The following SPON1 variants were observed in gnomAD, a reference collection of about 807,000 sequenced individuals.
SPON1 encodes spondin 1.
In SPON1, 52 loss-of-function variants were observed where a neutral mutation model predicts 111.7. The observed-to-expected ratio is 0.47, with a 90% CI of 0.37 to 0.59. The LOEUF (loss-of-function observed/expected upper bound fraction) is 0.59, where lower values mean the gene tolerates loss of function less well. Ranked by LOEUF, SPON1 falls within the 20% of genes least tolerant of loss-of-function variation. The pLI, the probability that SPON1 is intolerant of heterozygous loss-of-function variation, is 0.00. For synonymous variants in SPON1, 410 were observed against 395.8 expected, an observed-to-expected ratio of 1.04 and a Z score of -0.43; for missense variants, 957 against 1,068.5, an observed-to-expected ratio of 0.90 and a Z score of 1.46.
chr11:14,107,216 G>A (rs900055230), intron 5 of SPON1, among the ~76,000 whole-genome samples: 2 of 152,180 alleles, frequency 1.3e-5, no homozygotes, highest in Admixed American at 1.3e-4. Context: ...GTTTACAGAT[G>A]TGAGTGGCTT....
chr11:14,255,199 A>T (rs1392569933), intron 8 of SPON1, among the ~76,000 whole-genome samples: 1 of 152,260 alleles, frequency 6.6e-6, no homozygotes, highest in African/African-American at 2.4e-5. Context: ...AAAGCCAGTT[A>T]CACTCCTCCA....
intron 6 of SPON1, among the ~76,000 whole-genome samples, chr11:14,151,719 C>G (rs1172719200): frequency 2.0e-5 from 3 of 152,174 alleles, no homozygotes; most frequent in Non-Finnish European, 4.4e-5. Context: ...AATCACAGTT[C>G]TAATTGTTCT....
At chr11:14,057,841 AAACAAAAC>A (rs1848757761) in intron 3 of SPON1, among the ~76,000 whole-genome samples, 1 of 149,256 alleles carries the variant, frequency 6.7e-6, no homozygotes, top group African/African-American at 2.5e-5. Flanking sequence ...CAAAAAAAAA[AAACAAAAC>A]AAAAACTTAA....
intron 6 of SPON1, among the ~76,000 whole-genome samples, chr11:14,173,654 C>T (rs1035088043): frequency 3.9e-5 from 6 of 152,100 alleles, no homozygotes; most frequent in Non-Finnish European, 8.8e-5. Flanking sequence ...ATGATGGTGA[C>T]GTACAGATGG....
chr11:14,075,931 C>G (rs1848914224), intron 4 of SPON1, among the ~76,000 whole-genome samples: 1 of 152,126 alleles, frequency 6.6e-6, no homozygotes, highest in Non-Finnish European at 1.5e-5. Context: ...AACTTATCAA[C>G]CTTCTCTCCT....
chr11:14,031,302 C>A (rs1488010111), intron 2 of SPON1, among the ~76,000 whole-genome samples: 1 of 152,178 alleles, frequency 6.6e-6, no homozygotes, highest in Non-Finnish European at 1.5e-5. Context: ...TGTACATGTA[C>A]ACCCTGAAGT....
At chr11:14,015,100 G>A (rs1848435292) in intron 2 of SPON1, among the ~76,000 whole-genome samples, 1 of 152,184 alleles carries the variant, frequency 6.6e-6, no homozygotes, top group Non-Finnish European at 1.5e-5. Flanking sequence ...TTGGCTCAAA[G>A]CTTATTTCTT....
At position 13,966,948 on chromosome 11, in the gene SPON1, G is replaced by T. The variant is rs115066013; in HGVS notation, c.238+3806G>T. Among the ~76,000 whole-genome samples, 1,196 of 152,294 alleles carry T rather than the reference G, an allele frequency of 7.9e-3. 22 individuals carry two copies. The highest frequency in any genetic ancestry group is 0.027 in the African/African-American group (1,131 of 41,564). On this transcript the variant is annotated intron_variant, in intron 1 of 15. Transcript: ENST00000576479. ...TTGCTAAAAAAATATGTTATGAGAT[G>T]ATTATTTTGGAAATAGAAAAATACT...
chr11:14,129,356 A>G (rs571702812), intron 5 of SPON1, among the ~76,000 whole-genome samples: 1 of 152,312 alleles, frequency 6.6e-6, no homozygotes, highest in Non-Finnish European at 1.5e-5. Flanking sequence ...GCTAGATACC[A>G]TAAATCCTCT....
chr11:14,177,451 G>A (rs895005344), intron 6 of SPON1, among the ~76,000 whole-genome samples: 21 of 152,154 alleles, frequency 1.4e-4, no homozygotes, highest in African/African-American at 5.1e-4. Flanking sequence ...TGCTGAGTCA[G>A]TTCCTGGGTG....
At chr11:14,139,940 C>A (rs1847634189) in intron 6 of SPON1, among the ~76,000 whole-genome samples, 1 of 152,042 alleles carries the variant, frequency 6.6e-6, no homozygotes. Flanking sequence ...GTGCTTAGAA[C>A]TAAAAAAAGA....
At chr11:14,073,247 T>C (rs1459277265) in intron 3 of SPON1, among the ~76,000 whole-genome samples, 8 of 152,172 alleles carry the variant, frequency 5.3e-5, no homozygotes, top group African/African-American at 1.7e-4. Context: ...CAGCCTGCCA[T>C]GTGGACAGTT....
intron 3 of SPON1, among the ~76,000 whole-genome samples, chr11:14,072,859 T>A (rs80211931): frequency 0.012 from 1,757 of 152,250 alleles, 31 homozygotes; most frequent in African/African-American, 0.04. Context: ...GGCACACTCT[T>A]CAAAGATATC....
intron 6 of SPON1, among the ~76,000 whole-genome samples, chr11:14,198,317 C>G (rs1409714428): frequency 1.3e-5 from 2 of 152,180 alleles, no homozygotes; most frequent in Admixed American, 1.3e-4. Context: ...AATGCAGGTG[C>G]CTGGAGGTAA....
At chr11:13,968,912 G>T (rs1848040624) in intron 1 of SPON1, among the ~76,000 whole-genome samples, 1 of 152,130 alleles carries the variant, frequency 6.6e-6, no homozygotes, top group Non-Finnish European at 1.5e-5. Flanking sequence ...AAAACTTGAA[G>T]AATTTATTTT....
At chr11:14,018,292 T>C (rs1848457299) in intron 2 of SPON1, among the ~76,000 whole-genome samples, 1 of 152,178 alleles carries the variant, frequency 6.6e-6, no homozygotes, top group South Asian at 2.1e-4. Context: ...CAAATGGAAA[T>C]AGGATCTACT....
chr11:14,213,055 A>G (rs1201014417), intron 6 of SPON1, among the ~76,000 whole-genome samples: 3 of 152,140 alleles, frequency 2.0e-5, no homozygotes, highest in Non-Finnish European at 4.4e-5. Context: ...TGGGAAATTG[A>G]CCAGGCCCCC....
intron 6 of SPON1, among the ~76,000 whole-genome samples, chr11:14,151,484 G>T (rs1038033704): frequency 6.6e-6 from 1 of 152,158 alleles, no homozygotes; most frequent in Non-Finnish European, 1.5e-5. Context: ...CAACGTATTT[G>T]TTCATTCAAC....
intron 6 of SPON1, among the ~76,000 whole-genome samples, chr11:14,195,879 C>A (rs1029736962): frequency 3.3e-5 from 5 of 152,082 alleles, no homozygotes; most frequent in Non-Finnish European, 5.9e-5. Flanking sequence ...TTAATGAATA[C>A]CTAAGGATCA....
Sources: gnomAD v4.1 joint callset for allele counts (sites outside exome capture counted in the v4.1 genomes callset) on GRCh38, gnomAD v4.1.1 for gene constraint, MANE v1.5 for transcripts, NCBI Gene and HGNC (gene_info 2026-07-23, HGNC 2026-07-21) for gene names.